The following OCIAD2 variants were observed in gnomAD, a reference collection of about 807,000 sequenced individuals.
OCIAD2 encodes the protein OCIA domain-containing protein 2.
OCIAD2 carries 29 observed loss-of-function variants against 22.9 expected under a neutral mutation model. The ratio of observed to expected loss-of-function variants is 1.27; its 90% CI spans 0.94 to 1.73. OCIAD2 has a LOEUF of 1.73. Among genes scored for constraint, OCIAD2 ranks in the 40% most tolerant of loss-of-function variants. The pLI is 0.00. For missense variants in OCIAD2, 189 were observed against 180.3 expected (o/e 1.05, Z -0.28); for synonymous variants, 67 against 60.2 (o/e 1.11, Z -0.52).
At chr4:48,886,366 G>A (rs1249970770) in intron 6 of OCIAD2, among the ~76,000 whole-genome samples, 1 of 152,150 alleles carries the variant, frequency 6.6e-6, no homozygotes, top group Non-Finnish European at 1.5e-5. Flanking sequence ...TACACTTTAA[G>A]TTTTAGGGTA....
intron 2 of OCIAD2, among the ~76,000 whole-genome samples, chr4:48,901,336 G>A (rs1194131546): frequency 2.0e-5 from 3 of 151,862 alleles, no homozygotes; most frequent in Non-Finnish European, 4.4e-5. Flanking sequence ...TAAAGCTCAG[G>A]GTGTGCATAT....
chr4:48,887,665 C>G (rs1253429770), intron 6 of OCIAD2, among the ~76,000 whole-genome samples: 1 of 152,134 alleles, frequency 6.6e-6, no homozygotes, highest in African/African-American at 2.4e-5. Context: ...GGCATTATTT[C>G]TGAGGGCTCT....
intron 3 of OCIAD2, 44 bp downstream of exon 3, chr4:48,899,785 T>C: frequency 7.5e-7 from 1 of 1,340,192 alleles, no homozygotes; most frequent in Middle Eastern, 1.8e-4. Flanking sequence ...TAATATGATA[T>C]TTAGGCAGTT....
At position 48,899,831 on chromosome 4, in the gene OCIAD2, C is replaced by G. The variant is rs1490730930; in HGVS notation, c.161G>C (p.Arg54Thr). 3 of 1,610,118 alleles carry G rather than the reference C, an allele frequency of 1.9e-6. No homozygotes were observed. The highest frequency in any genetic ancestry group is 2.2e-5 in the East Asian group (1 of 44,844). ...RECQEESFWK[R>T]ALPFSLVSML... is the part of the protein sequence containing the mutation. ...AATACAGTGTTAGGTGCAATTACCT[C>G]TCTTCCAGAAACTTTCTTCCTGACA... Residue 54 changes from arginine to threonine, a missense_variant and splice_region_variant, in exon 3 of 7, where the codon AGA becomes ACA. Transcript: ENST00000508632.
At chr4:48,890,459 C>A (rs978566058) in intron 6 of OCIAD2, among the ~76,000 whole-genome samples, 1 of 151,968 alleles carries the variant, frequency 6.6e-6, no homozygotes, top group Non-Finnish European at 1.5e-5. Context: ...TGCATTGATC[C>A]AGGATTAAAC....
Position 48,885,486 on chromosome 4 carries a change from A to G in OCIAD2, c.463T>C (p.Ter155GlnextTer5). 2 of 1,581,988 alleles carry G rather than the reference A, an allele frequency of 1.3e-6. No homozygotes were observed. The highest frequency in any genetic ancestry group is 1.1e-5 in the South Asian group (1 of 90,222). ...EKGDSQPSAS[*>Q] ...TTCGAAAGTCACAGACACAGAATTT[A>G]GGAAGCTGAAGGCTGAGAGTCTCCC... The change falls in exon 7 of 7, where the codon TAA (stop) becomes CAA (glutamine). Residue 155 changes from the stop codon to glutamine, a stop_lost. Transcript: ENST00000508632.
At chr4:48,892,225 A>C (rs944722023) in intron 6 of OCIAD2, among the ~76,000 whole-genome samples, 2 of 152,218 alleles carry the variant, frequency 1.3e-5, no homozygotes, top group Non-Finnish European at 2.9e-5. Context: ...ACATCTCATA[A>C]AAACTATCTT....
chr4:48,890,699 T>A (rs1208511968), intron 6 of OCIAD2, among the ~76,000 whole-genome samples: 3 of 152,192 alleles, frequency 2.0e-5, no homozygotes, highest in Non-Finnish European at 4.4e-5. Flanking sequence ...AGTTTTATAA[T>A]CTTACAAATT....
chr4:48,900,989 C>T lies in OCIAD2; in HGVS notation c.67-1064G>A, dbSNP rs1674688057. The stretch of plus-strand genomic sequence containing the variant: ...GCTTTGTAGGTACATATGCTTTAAT[C>T]ACTCGCTCTTGTCCACATTCTCCAC... On this transcript the variant is annotated intron_variant, in intron 2 of 6. Transcript: ENST00000508632. Among the ~76,000 whole-genome samples, 3 of 152,090 alleles carry T rather than the reference C, an allele frequency of 2.0e-5. No homozygotes were observed. The South Asian group carries it at 6.2e-4, about 32-fold the overall frequency.
intron 1 of OCIAD2, among the ~76,000 whole-genome samples, chr4:48,905,417 A>G (rs1050631051): frequency 1.3e-5 from 2 of 152,046 alleles, no homozygotes; most frequent in African/African-American, 4.8e-5. Flanking sequence ...CGAAAAGAGA[A>G]GAAAGATTAA....
chr4:48,892,164 A>T (rs541129156), intron 6 of OCIAD2, among the ~76,000 whole-genome samples: 43 of 152,352 alleles, frequency 2.8e-4, no homozygotes, highest in African/African-American at 1.0e-3. Context: ...AGAAATAGCT[A>T]ATGTTTACTG....
chr4:48,890,621 G>A (rs531388666), intron 6 of OCIAD2, among the ~76,000 whole-genome samples: 1 of 152,260 alleles, frequency 6.6e-6, no homozygotes, highest in East Asian at 1.9e-4. Context: ...AAAATGCACA[G>A]GTTCGTTCTA....
At chr4:48,897,058 A>C (rs1781317590) in intron 4 of OCIAD2, 1 of 152,498 alleles carries the variant, frequency 6.6e-6, no homozygotes, top group African/African-American at 2.4e-5. Flanking sequence ...TCTTGCCAAA[A>C]GAAATGGTGT....
chr4:48,892,726 T>C, intron 6 of OCIAD2, 46 bp downstream of exon 6: 5 of 929,762 alleles, frequency 5.4e-6, no homozygotes, highest in Non-Finnish European at 8.2e-6. Flanking sequence ...TTTCATTTAA[T>C]TTCTTATAAT....
chr4:48,896,936 G>C (rs1025071717), intron 4 of OCIAD2, among the ~76,000 whole-genome samples: 9 of 152,192 alleles, frequency 5.9e-5, no homozygotes, highest in African/African-American at 2.2e-4. Flanking sequence ...GAGGAAAACA[G>C]GAAAACGCTA....
intron 6 of OCIAD2, 23 bp from the exon 7 acceptor site, chr4:48,885,588 C>T (rs752931247): frequency 7.3e-7 from 1 of 1,371,426 alleles, no homozygotes; most frequent in Non-Finnish European, 1.0e-6. Flanking sequence ...CAAAAATAGA[C>T]AGCGGTTTGT....
rs1781334639 is a variant in OCIAD2, at chr4:48,897,846, A to G, written c.175T>C (p.Ser59Pro). Reference sequence around the variant, plus strand: ...TGGGTGACAAGCATGCTTACAAGAGAAAAAGGCAGAGCTGTAAAGCAAAAA... The same window carrying G: ...TGGGTGACAAGCATGCTTACAAGAGGAAAAGGCAGAGCTGTAAAGCAAAAA... ...ESFWKRALPF[S>P]LVSMLVTQGL... Residue 59 changes from serine (S) to proline (P), a missense_variant, in exon 4 of 7, where the codon TCT becomes CCT. By Grantham distance (74) the Ser-to-Pro change is moderately conservative. Coordinates refer to ENST00000508632, the MANE Select transcript of OCIAD2 (RefSeq NM_001014446.3). The G allele has an allele frequency of 2.5e-6, 4 of 1,609,868 alleles. No homozygotes were observed. Among genetic ancestry groups the G allele is most frequent in the South Asian group, 1.1e-5 (1 of 90,836 alleles).
At chr4:48,904,364 C>T in intron 2 of OCIAD2, 120 bp downstream of exon 2, 2 of 867,570 alleles carry the variant, frequency 2.3e-6, no homozygotes, top group South Asian at 2.8e-5. Context: ...GTAGGAGGAT[C>T]ACTTAATCCA....
rs1781241674 is a variant in OCIAD2 at position 48,893,991 on chromosome 4, AT to A, written c.265+14del. Reference sequence around the variant, plus strand: ...GCCACCACACTTGGCTTGCTTTTTTATTTCTATGACTTACGTGCAACTTTGG... The same window carrying A: ...GCCACCACACTTGGCTTGCTTTTTTATTCTATGACTTACGTGCAACTTTGG... On this transcript the variant is annotated intron_variant, in intron 5 of 6. Coordinates refer to ENST00000508632, the MANE Select transcript of OCIAD2 (RefSeq NM_001014446.3). 1 of 1,498,784 alleles carries A rather than the reference AT, an allele frequency of 6.7e-7. No individual in the cohort carries two copies. Among genetic ancestry groups the A allele is most frequent in the Non-Finnish European group, 9.0e-7 (1 of 1,116,196 alleles). The allele number at this position is 1,498,784 out of a possible 1,614,324, so 92.8% of individuals were successfully genotyped here. A position where few individuals can be genotyped will look rare whatever the true frequency, so the allele number is the denominator to read the frequency against.
Sources: gnomAD v4.1 joint callset for allele counts (sites outside exome capture counted in the v4.1 genomes callset) on GRCh38, gnomAD v4.1.1 for gene constraint, MANE v1.5 for transcripts, NCBI Gene and HGNC (gene_info 2026-07-23, HGNC 2026-07-21) for gene names.